The following BABAM2 variants were observed in gnomAD, a reference collection of about 807,000 sequenced individuals.
BABAM2 encodes BRISC and BRCA1-A complex member 2.
BABAM2 carries 31 observed loss-of-function variants against 54.7 expected under a neutral mutation model. The ratio of observed to expected loss-of-function variants is 0.57; its 90% confidence interval spans 0.43 to 0.77. The LOEUF (loss-of-function observed/expected upper bound fraction) is 0.77, where lower values mean the gene tolerates loss of function less well. Among genes scored for constraint, BABAM2 ranks in the 30% least tolerant of loss-of-function variants. The pLI is 0.00. For synonymous variants in BABAM2, 167 were observed against 162.9 expected (o/e 1.03, Z -0.19); for missense variants, 364 against 455.8 (o/e 0.80, Z 1.83).
At chr2:28,215,515 G>A (rs990151986) in intron 7 of BABAM2, among the ~76,000 whole-genome samples, 6 of 152,306 alleles carry the variant, frequency 3.9e-5, no homozygotes, top group African/African-American at 1.4e-4. Context: ...AGGGTTATAT[G>A]AAGTACATAA....
At chr2:28,018,271 A>T (rs1012509548) in intron 4 of BABAM2, among the ~76,000 whole-genome samples, 2 of 152,078 alleles carry the variant, frequency 1.3e-5, no homozygotes, top group Admixed American at 6.5e-5. Context: ...TTGTTTTTTT[A>T]TTCCTGAGTT....
intron 3 of BABAM2, among the ~76,000 whole-genome samples, chr2:27,931,069 T>TATATTC (rs1668057015): frequency 2.0e-5 from 3 of 152,224 alleles, no homozygotes; most frequent in Middle Eastern, 3.2e-3. Context: ...GTAGAATCAC[T>TATATTC]TGATACTAAT....
chr2:28,046,276 G>C (rs1285064146), intron 6 of BABAM2, among the ~76,000 whole-genome samples: 1 of 152,074 alleles, frequency 6.6e-6, no homozygotes, highest in Non-Finnish European at 1.5e-5. Context: ...CCAACATGGT[G>C]AAACCCTGTC....
intron 7 of BABAM2, among the ~76,000 whole-genome samples, chr2:28,153,153 A>G (rs932279753): frequency 6.6e-6 from 1 of 152,176 alleles, no homozygotes; most frequent in Non-Finnish European, 1.5e-5. Flanking sequence ...GCATTTAAGA[A>G]TGCAAAGACG....
Position 27,971,055 on chromosome 2 carries a change from C to G in BABAM2, c.206-16938C>G, listed in dbSNP as rs146488162. 8.9e-4 allele frequency among the ~76,000 whole-genome samples: 136 copies of G among 152,222 alleles called. 1 individual carries two copies. The highest frequency in any genetic ancestry group is 8.9e-3 in the East Asian group (46 of 5,186). On this transcript the variant is annotated intron_variant, in intron 3 of 11. Transcript: ENST00000379624. ...TTCCATTGTTGCTGCTGCTTGACCACTTGTTTAAATTAAGTTGGTGTCTAC... is the reference window on the plus strand; with the variant it reads ...TTCCATTGTTGCTGCTGCTTGACCAGTTGTTTAAATTAAGTTGGTGTCTAC...
At chr2:28,218,883 A>T (rs1043930551) in intron 7 of BABAM2, among the ~76,000 whole-genome samples, 1 of 151,900 alleles carries the variant, frequency 6.6e-6, no homozygotes, top group Non-Finnish European at 1.5e-5. Flanking sequence ...TTCAGAGGGG[A>T]TTTATTGATT....
At chr2:28,117,556 T>A (rs1463178756) in intron 6 of BABAM2, among the ~76,000 whole-genome samples, 4 of 152,118 alleles carry the variant, frequency 2.6e-5, no homozygotes, top group African/African-American at 7.2e-5. Flanking sequence ...CTGGACTCTC[T>A]CCTCTCTTGC....
At chr2:28,094,387 T>C (rs1558329275) in intron 6 of BABAM2, among the ~76,000 whole-genome samples, 1 of 152,146 alleles carries the variant, frequency 6.6e-6, no homozygotes, top group Non-Finnish European at 1.5e-5. Context: ...TAGATGGCAA[T>C]GATTGAGTTT....
chr2:27,900,582 A>G (rs984950061), intron 2 of BABAM2, among the ~76,000 whole-genome samples: 7 of 152,146 alleles, frequency 4.6e-5, no homozygotes, highest in African/African-American at 1.2e-4. Flanking sequence ...ATTTGAATGG[A>G]TGAATGAATG....
At chr2:27,994,185 T>G (rs72812548) in intron 4 of BABAM2, among the ~76,000 whole-genome samples, 4,731 of 152,200 alleles carry the variant, frequency 0.031, 103 homozygotes, top group South Asian at 0.1. Context: ...AGTGTGGAGA[T>G]AGAGGTATAT....
chr2:27,986,144 G>GT (rs1038094113), intron 3 of BABAM2, among the ~76,000 whole-genome samples: 9 of 152,140 alleles, frequency 5.9e-5, no homozygotes, highest in African/African-American at 2.2e-4. Context: ...GTGGATATCA[G>GT]TTTGAAAAGT....
At chr2:28,320,906 A>T (rs1689973012) in intron 11 of BABAM2, among the ~76,000 whole-genome samples, 1 of 152,196 alleles carries the variant, frequency 6.6e-6, no homozygotes, top group African/African-American at 2.4e-5. Flanking sequence ...CATACACATG[A>T]TTGTTGCTTG....
At chr2:28,227,983 C>T (rs1356417705) in intron 7 of BABAM2, among the ~76,000 whole-genome samples, 1 of 152,162 alleles carries the variant, frequency 6.6e-6, no homozygotes, top group Non-Finnish European at 1.5e-5. Flanking sequence ...ATTACAATTC[C>T]AGTTTCACTG....
chr2:28,044,895 G>A (rs1360316638), intron 5 of BABAM2, among the ~76,000 whole-genome samples: 1 of 151,850 alleles, frequency 6.6e-6, no homozygotes, highest in Non-Finnish European at 1.5e-5. Context: ...GATTCCACCA[G>A]GTCAGGACGC....
intron 6 of BABAM2, among the ~76,000 whole-genome samples, chr2:28,085,041 A>T (rs1665520134): frequency 6.6e-6 from 1 of 152,220 alleles, no homozygotes; most frequent in Non-Finnish European, 1.5e-5. Context: ...TAGAAACAAT[A>T]AAAGGAAAAC....
chr2:27,959,048 A>G (rs1670287515), intron 3 of BABAM2, among the ~76,000 whole-genome samples: 2 of 152,220 alleles, frequency 1.3e-5, no homozygotes, highest in Non-Finnish European at 2.9e-5. Context: ...AAGGCAACAA[A>G]TCTCCAGTTC....
chr2:28,130,898 C>G (rs1453264690), intron 7 of BABAM2, among the ~76,000 whole-genome samples: 1 of 151,820 alleles, frequency 6.6e-6, no homozygotes, highest in Non-Finnish European at 1.5e-5. Flanking sequence ...AGCCACCACG[C>G]CCAGCTAATT....
chr2:28,069,334 G>A (rs1034428785), intron 6 of BABAM2, among the ~76,000 whole-genome samples: 2 of 152,112 alleles, frequency 1.3e-5, no homozygotes, highest in South Asian at 4.1e-4. Context: ...AATATTTGTT[G>A]AGTACCTACT....
intron 10 of BABAM2, among the ~76,000 whole-genome samples, chr2:28,289,531 T>C (rs1023410420): frequency 3.3e-5 from 5 of 152,222 alleles, no homozygotes; most frequent in African/African-American, 1.2e-4. Flanking sequence ...GGCTCATGCC[T>C]GTAATCCCAA....
Sources: allele counts gnomAD v4.1 joint callset (sites outside exome capture counted in the v4.1 genomes callset), GRCh38; gene constraint gnomAD v4.1.1; transcripts MANE v1.5; gene names NCBI Gene and HGNC (gene_info 2026-07-23, HGNC 2026-07-21).